ATXN1: variants seen among roughly 807,000 people sequenced by gnomAD.
ATXN1 encodes ataxin 1, also known as ataxin-1.
ATXN1 carries 8 observed loss-of-function variants against 56.4 expected under a neutral mutation model. That is an observed-to-expected ratio of 0.14 (90% CI 0.08 to 0.26). The LOEUF (loss-of-function observed/expected upper bound fraction) is 0.26. Among genes scored for constraint, ATXN1 ranks in the 10% least tolerant of loss-of-function variants. The pLI, the probability that ATXN1 is intolerant of heterozygous loss-of-function variation, is 1.00. For synonymous variants in ATXN1, 514 were observed against 494.6 expected (o/e 1.04, Z -0.52); for missense variants, 987 against 1,106.5 (o/e 0.89, Z 1.53).
At chr6:16,517,189 T>G (rs189319647) in intron 5 of ATXN1, among the ~76,000 whole-genome samples, 1 of 152,372 alleles carries the variant, frequency 6.6e-6, no homozygotes, top group East Asian at 1.9e-4. Context: ...TACTTATTTG[T>G]GTTGACCCTA....
intron 4 of ATXN1, among the ~76,000 whole-genome samples, chr6:16,526,466 T>G (rs1345022534): frequency 3.9e-5 from 6 of 152,114 alleles, no homozygotes; most frequent in Admixed American, 3.3e-4. Context: ...AATCACACAT[T>G]AGAATATTCA....
At chr6:16,696,790 G>A (rs1260463134) in intron 2 of ATXN1, among the ~76,000 whole-genome samples, 1 of 152,170 alleles carries the variant, frequency 6.6e-6, no homozygotes, top group East Asian at 1.9e-4. Context: ...TAGGCGACCT[G>A]AGAGAATTTT....
At chr6:16,589,982 T>A (rs1762694025) in intron 3 of ATXN1, among the ~76,000 whole-genome samples, 1 of 152,172 alleles carries the variant, frequency 6.6e-6, no homozygotes, top group Non-Finnish European at 1.5e-5. Flanking sequence ...TGTACAAAAA[T>A]TATCTATGAA....
chr6:16,571,496 A>C (rs891805506), intron 4 of ATXN1, among the ~76,000 whole-genome samples: 1 of 151,896 alleles, frequency 6.6e-6, no homozygotes, highest in African/African-American at 2.4e-5. Flanking sequence ...ATTTTCTTTT[A>C]TTTTATTTTT....
chr6:16,332,528 A>G (rs1335686325), intron 6 of ATXN1, among the ~76,000 whole-genome samples: 1 of 152,190 alleles, frequency 6.6e-6, no homozygotes, highest in East Asian at 1.9e-4. Context: ...CGAGGAGTTT[A>G]TCTCTGGAAG....
intron 2 of ATXN1, among the ~76,000 whole-genome samples, chr6:16,673,436 G>A (rs1184408041): frequency 6.6e-6 from 1 of 151,902 alleles, no homozygotes; most frequent in Non-Finnish European, 1.5e-5. Context: ...TCCTTATCCT[G>A]CTCTTCCCAC....
In ATXN1 at chr6:16,635,623, C is replaced by T. The variant is rs932269397; in HGVS notation, c.-489+22153G>A. Among the ~76,000 whole-genome samples, 6 of 152,230 alleles carry T rather than the reference C, an allele frequency of 3.9e-5. No individual in the cohort carries two copies. In the South Asian group the frequency reaches 6.2e-4, roughly 16 times the overall value. The stretch of plus-strand genomic sequence containing the variant: ...ACTGCTGCTGCCGCTTACAAAAGCT[C>T]ATTCATATGTGTGAGTTCAGGCAAA... On this transcript the variant is annotated intron_variant, in intron 3 of 7. Transcript: ENST00000436367.
intron 6 of ATXN1, among the ~76,000 whole-genome samples, chr6:16,398,052 G>GTTA (rs1337921153): frequency 6.6e-6 from 1 of 152,208 alleles, no homozygotes; most frequent in East Asian, 1.9e-4. Context: ...TTTACCACAG[G>GTTA]TTATTGCTTT....
intron 6 of ATXN1, among the ~76,000 whole-genome samples, chr6:16,364,051 T>C (rs1333563339): frequency 6.6e-6 from 1 of 152,214 alleles, no homozygotes; most frequent in Non-Finnish European, 1.5e-5. Flanking sequence ...TTATTTACCA[T>C]GTTCAGAACT....
intron 4 of ATXN1, among the ~76,000 whole-genome samples, chr6:16,571,252 G>C (rs979650274): frequency 6.6e-6 from 1 of 151,810 alleles, no homozygotes; most frequent in Admixed American, 6.6e-5. Flanking sequence ...GAAAGACAAA[G>C]TATTTTTACA....
At chr6:16,528,187 G>A (rs1761429739) in intron 4 of ATXN1, among the ~76,000 whole-genome samples, 1 of 151,874 alleles carries the variant, frequency 6.6e-6, no homozygotes, top group African/African-American at 2.4e-5. Flanking sequence ...TGTAATCCCA[G>A]CTACTCGGGA....
At chr6:16,572,311 A>T (rs562197054) in intron 4 of ATXN1, among the ~76,000 whole-genome samples, 17 of 152,372 alleles carry the variant, frequency 1.1e-4, no homozygotes, top group African/African-American at 4.1e-4. Flanking sequence ...TCAACTGTTA[A>T]GAAACAATGA....
rs1457483772 is a variant in ATXN1 at position 16,760,370 on chromosome 6, G to A, written c.-730+928C>T. Reference sequence around the variant, plus strand: ...TCGTCTCCTGCCGCGGGTGCTGGCGGGGGCGCCGGCCCGGACTGGGGCGCT... The same window carrying A: ...TCGTCTCCTGCCGCGGGTGCTGGCGAGGGCGCCGGCCCGGACTGGGGCGCT... On this transcript the variant is annotated intron_variant, in intron 1 of 7. Transcript: ENST00000436367. This position sits in a 1 kb window ranked among gnomAD's most constrained non-coding sequence, Gnocchi z 5.3. 1.3e-5 allele frequency among the ~76,000 whole-genome samples: 2 copies of A among 151,908 alleles called. No individual in the cohort carries two copies. Among genetic ancestry groups the A allele is most frequent in the East Asian group, 3.9e-4 (2 of 5,114 alleles).
At chr6:16,607,282 G>T (rs536083382) in intron 3 of ATXN1, among the ~76,000 whole-genome samples, 3 of 152,238 alleles carry the variant, frequency 2.0e-5, no homozygotes, top group African/African-American at 7.2e-5. Context: ...AAGTGAAAGG[G>T]TTGGCGTAAG....
At chr6:16,547,743 G>A (rs1008630527) in intron 4 of ATXN1, among the ~76,000 whole-genome samples, 2 of 152,116 alleles carry the variant, frequency 1.3e-5, no homozygotes, top group East Asian at 3.9e-4. Context: ...CACGGTAATA[G>A]CCTCAGAGGG....
intron 6 of ATXN1, among the ~76,000 whole-genome samples, chr6:16,415,426 G>C (rs1758881933): frequency 6.6e-6 from 1 of 152,134 alleles, no homozygotes; most frequent in African/African-American, 2.4e-5. Flanking sequence ...GATGGGGTTT[G>C]GCCATGTTGG....
intron 3 of ATXN1, among the ~76,000 whole-genome samples, chr6:16,612,097 G>C (rs995068220): frequency 1.3e-5 from 2 of 151,924 alleles, no homozygotes; most frequent in African/African-American, 4.8e-5. Context: ...CTGACCTCAT[G>C]ATGCGCCTGC....
chr6:16,458,468 T>A (rs1369653750), intron 6 of ATXN1, among the ~76,000 whole-genome samples: 1 of 152,134 alleles, frequency 6.6e-6, no homozygotes, highest in Non-Finnish European at 1.5e-5. Flanking sequence ...CCCAATCAGC[T>A]GAGATATCAG....
intron 6 of ATXN1, among the ~76,000 whole-genome samples, chr6:16,340,518 TTAA>T (rs1429883238): frequency 2.0e-5 from 3 of 152,170 alleles, no homozygotes; most frequent in African/African-American, 7.2e-5. Context: ...CTGGCTAAGT[TTAA>T]CTTGTATCCT....
Sources: allele counts gnomAD v4.1 joint callset (sites outside exome capture counted in the v4.1 genomes callset), GRCh38; gene constraint gnomAD v4.1.1; non-coding constraint Gnocchi (gnomAD v3.1); transcripts MANE v1.5; gene names NCBI Gene and HGNC (gene_info 2026-07-23, HGNC 2026-07-21).